EPHA6: variants seen among roughly 807,000 people sequenced by gnomAD.
EPHA6 encodes the protein EPH receptor A6, also known as ephrin type-A receptor 6.
In EPHA6, 50 loss-of-function variants were observed where a neutral mutation model predicts 112.0. The observed-to-expected ratio is 0.45, with a 90% CI of 0.36 to 0.56. EPHA6 has a LOEUF of 0.56. Among genes scored for constraint, EPHA6 ranks in the 20% least tolerant of loss-of-function variants. The pLI, the probability that EPHA6 is intolerant of heterozygous loss-of-function variation, is 0.00. For synonymous variants in EPHA6, 529 were observed against 490.7 expected, an observed-to-expected ratio of 1.08 and a Z score of -1.03; for missense variants, 1,280 against 1,417.4, an observed-to-expected ratio of 0.90 and a Z score of 1.56.
rs182571948 is a variant in EPHA6, at chr3:97,379,297, G to A, written c.1607-25853G>A. The stretch of plus-strand genomic sequence containing the variant: ...TCTTTTCCTTCCCAGTCTTGTGTAT[G>A]TATTTATCAGCAGTGTGAAAACAGA... On this transcript the variant is annotated intron_variant, in intron 5 of 17. Coordinates refer to ENST00000389672, the MANE Select transcript of EPHA6 (RefSeq NM_001080448.3). Among the ~76,000 whole-genome samples the A allele has an allele frequency of 1.2e-3, 182 of 152,194 alleles. 1 individual carries two copies. The highest frequency in any genetic ancestry group is 3.4e-3 in the African/African-American group (143 of 41,532).
intron 10 of EPHA6, among the ~76,000 whole-genome samples, chr3:97,497,859 G>T (rs2092019868): frequency 6.6e-6 from 1 of 151,870 alleles, no homozygotes; most frequent in South Asian, 2.1e-4. Flanking sequence ...GAATTACATA[G>T]ATTGCAATTA....
Position 97,661,967 on chromosome 3 carries a change from G to A in EPHA6, c.2784+23885G>A, listed in dbSNP as rs2094172431. ...AGTGCTTCACTGTCTTGGTGAAAAAGTATCCCTCTTCCCCCAGTATATACT... is the reference window on the plus strand; with the variant it reads ...AGTGCTTCACTGTCTTGGTGAAAAAATATCCCTCTTCCCCCAGTATATACT... On this transcript the variant is annotated intron_variant, in intron 14 of 17. Transcript: ENST00000389672. 2.6e-5 allele frequency among the ~76,000 whole-genome samples: 4 copies of A among 152,080 alleles called. No homozygotes were observed. The South Asian group carries it at 6.2e-4, about 24-fold the overall frequency.
At chr3:97,172,161 A>G (rs1016942211) in intron 3 of EPHA6, among the ~76,000 whole-genome samples, 3 of 152,054 alleles carry the variant, frequency 2.0e-5, no homozygotes, top group African/African-American at 7.2e-5. Flanking sequence ...ACAGTGAGGC[A>G]TTGGTTTAAA....
At chr3:97,720,579 T>C (rs1190141057) in intron 15 of EPHA6, among the ~76,000 whole-genome samples, 169 bp downstream of exon 15, 1 of 152,218 alleles carries the variant, frequency 6.6e-6, no homozygotes, top group African/African-American at 2.4e-5. Context: ...TGAGCTGTAT[T>C]TGATGTCCTC....
At chr3:97,547,333 C>T (rs550690219) in intron 11 of EPHA6, among the ~76,000 whole-genome samples, 4 of 152,330 alleles carry the variant, frequency 2.6e-5, no homozygotes, top group Non-Finnish European at 4.4e-5. Flanking sequence ...AGGTCCACTC[C>T]AGACCCTGTC....
At position 97,071,380 on chromosome 3, in the gene EPHA6, G is replaced by A. The variant is rs745828896; in HGVS notation, c.1114+83387G>A. On this transcript the variant is annotated intron_variant, in intron 3 of 17. Transcript: ENST00000389672. The stretch of plus-strand genomic sequence containing the variant: ...TTTTATTTTAATTTTGTGTTAGTCC[G>A]TTTTTATGCTGCTGATAAAGACATA... 4.0e-5 allele frequency among the ~76,000 whole-genome samples: 6 copies of A among 151,772 alleles called. No homozygotes were observed. The East Asian group carries it at 5.8e-4, about 15-fold the overall frequency.
At chr3:97,311,932 C>G (rs915071127) in intron 5 of EPHA6, among the ~76,000 whole-genome samples, 1 of 151,638 alleles carries the variant, frequency 6.6e-6, no homozygotes, top group Non-Finnish European at 1.5e-5. Context: ...GAATTAATAT[C>G]TCAACAATAT....
intron 11 of EPHA6, among the ~76,000 whole-genome samples, chr3:97,546,646 A>G (rs1220403032): frequency 6.6e-6 from 1 of 152,210 alleles, no homozygotes; most frequent in Non-Finnish European, 1.5e-5. Context: ...CCTGGATAAT[A>G]TCCTGCAGAG....
intron 3 of EPHA6, among the ~76,000 whole-genome samples, chr3:97,029,146 A>G (rs1576351154): frequency 1.3e-5 from 2 of 151,930 alleles, no homozygotes; most frequent in Non-Finnish European, 1.5e-5. Context: ...GACTAAATGT[A>G]GAAACAAAAG....
chr3:96,823,611 G>C (rs982695532), intron 1 of EPHA6, among the ~76,000 whole-genome samples: 2 of 151,662 alleles, frequency 1.3e-5, no homozygotes, highest in Non-Finnish European at 3.0e-5. Context: ...AGAAATAGTC[G>C]AGCAGCAGAT....
At chr3:97,127,003 C>T (rs1411081431) in intron 3 of EPHA6, among the ~76,000 whole-genome samples, 1 of 151,312 alleles carries the variant, frequency 6.6e-6, no homozygotes. Flanking sequence ...GGAGAAATAA[C>T]TTTTTCTCAC....
intron 1 of EPHA6, among the ~76,000 whole-genome samples, chr3:96,816,805 A>G (rs1426535359): frequency 6.6e-6 from 1 of 152,040 alleles, no homozygotes; most frequent in Non-Finnish European, 1.5e-5. Flanking sequence ...TTAAAGCATG[A>G]CCTTTCAGAC....
intron 14 of EPHA6, among the ~76,000 whole-genome samples, chr3:97,653,411 C>T (rs2094119375): frequency 6.6e-6 from 1 of 151,956 alleles, no homozygotes; most frequent in Admixed American, 6.6e-5. Context: ...AGGCAGTCAA[C>T]ATCACTAATC....
chr3:97,469,767 A>G (rs2091167721), intron 7 of EPHA6, among the ~76,000 whole-genome samples: 1 of 151,664 alleles, frequency 6.6e-6, no homozygotes, highest in Non-Finnish European at 1.5e-5. Flanking sequence ...TGTTCTCAAT[A>G]TTTTAAAATG....
At chr3:97,676,943 A>C (rs2107672132) in intron 14 of EPHA6, among the ~76,000 whole-genome samples, 1 of 152,312 alleles carries the variant, frequency 6.6e-6, no homozygotes, top group African/African-American at 2.4e-5. Context: ...AAAATAAGTG[A>C]TCTAGGATTT....
intron 2 of EPHA6, among the ~76,000 whole-genome samples, chr3:96,986,912 A>C (rs2107842926): frequency 6.6e-6 from 1 of 152,330 alleles, no homozygotes; most frequent in Admixed American, 6.5e-5. Context: ...GGAAACCCTA[A>C]GTGCGTTTTT....
At chr3:97,106,521 C>G (rs1384923772) in intron 3 of EPHA6, among the ~76,000 whole-genome samples, 1 of 152,100 alleles carries the variant, frequency 6.6e-6, no homozygotes, top group Non-Finnish European at 1.5e-5. Context: ...TGCTCCATCC[C>G]CCTTCTGGCT....
intron 3 of EPHA6, among the ~76,000 whole-genome samples, chr3:97,009,370 C>T (rs936539674): frequency 1.3e-5 from 2 of 152,192 alleles, no homozygotes; most frequent in Non-Finnish European, 2.9e-5. Flanking sequence ...CCGGGTTAGA[C>T]CTTAAGAGGC....
At chr3:97,049,638 C>A (rs1233374340) in intron 3 of EPHA6, among the ~76,000 whole-genome samples, 1 of 152,238 alleles carries the variant, frequency 6.6e-6, no homozygotes. Flanking sequence ...ATACCTGAGA[C>A]TGGGTAATTT....
Sources: allele counts gnomAD v4.1 joint callset (sites outside exome capture counted in the v4.1 genomes callset), GRCh38; gene constraint gnomAD v4.1.1; transcripts MANE v1.5; gene names NCBI Gene and HGNC (gene_info 2026-07-23, HGNC 2026-07-21).